Variants in MIA3 observed in about 807,000 individuals in gnomAD.
MIA3 encodes transport and Golgi organization protein 1 homolog.
A neutral mutation model predicts 192.4 loss-of-function variants in MIA3; 90 were observed. The ratio of observed to expected loss-of-function variants is 0.47; its 90% confidence interval spans 0.39 to 0.56. MIA3 has a LOEUF of 0.56. Among genes scored for constraint, MIA3 ranks in the 20% least tolerant of loss-of-function variants. The probability of loss-of-function intolerance (pLI) is 0.00; values close to 1 mark genes in which losing one functional copy is unlikely to be tolerated. For synonymous variants in MIA3, 740 were observed against 792.8 expected, an observed-to-expected ratio of 0.93 and a Z score of 1.12; for missense variants, 2,123 against 2,269.4, an observed-to-expected ratio of 0.94 and a Z score of 1.31.
chr1:222,650,486 T>C, intron 9 of MIA3, 106 bp downstream of exon 9: 1 of 813,588 alleles, frequency 1.2e-6, no homozygotes, highest in South Asian at 1.7e-5. Flanking sequence ...GTATTTATTA[T>C]TACATTAATT....
At chr1:222,645,446 T>C (rs1663094422) in intron 6 of MIA3, 108 bp from the exon 7 acceptor site, 1 of 925,364 alleles carries the variant, frequency 1.1e-6, no homozygotes. Flanking sequence ...AGGGGATAGG[T>C]ATCTGATAGA....
Position 222,633,250 on chromosome 1 carries a change from G to C in MIA3, c.3477+1G>C. The C allele has an allele frequency of 6.3e-7, 1 of 1,597,612 alleles. No homozygotes were observed. The highest frequency in any genetic ancestry group is 8.5e-7 in the Non-Finnish European group (1 of 1,172,804). On this transcript the variant is annotated splice_donor_variant, in intron 6 of 27. Coordinates refer to ENST00000344922, the MANE Select transcript of MIA3 (RefSeq NM_198551.4). LOFTEE classifies it high-confidence loss of function. ...ATTCATGTTTTATTTAACTAAGTCG[G>C]TAAGTTTAACATAGTTTTTTTTTAA...
chr1:222,623,368 TC>T, intron 2 of MIA3, among the ~76,000 whole-genome samples: 1 of 152,258 alleles, frequency 6.6e-6, no homozygotes, highest in East Asian at 1.9e-4. Flanking sequence ...GTATTGTATT[TC>T]CCTTTCCCTA....
At chr1:222,648,629 A>T (rs2124897862) in intron 7 of MIA3, among the ~76,000 whole-genome samples, 200 bp from the exon 8 acceptor site, 1 of 152,354 alleles carries the variant, frequency 6.6e-6, no homozygotes, top group African/African-American at 2.4e-5. Flanking sequence ...TTTATCTGTC[A>T]GACCACAACA....
At position 222,627,778 on chromosome 1, in the gene MIA3, A is replaced by G. The variant is rs746312861; in HGVS notation, c.558A>G (p.Ser186=). ...EPEPEPVEAN[S]EESDSVFSEN... is the part of the protein sequence containing the mutation. ...AACCTGAACCAGTAGAAGCCAACTC[A>G]GAGGAAAGTGATAGTGTATTCTCAG... is the stretch of plus-strand genomic sequence containing the variant. Residue 186 remains serine, a synonymous_variant, in exon 4 of 28, where the codon TCA becomes TCG. Transcript: ENST00000344922. 1.9e-6 allele frequency: 3 copies of G among 1,613,490 alleles called. No homozygotes were observed. Among genetic ancestry groups the G allele is most frequent in the Non-Finnish European group, 2.5e-6 (3 of 1,179,844 alleles).
In MIA3 at chr1:222,654,378, G is replaced by C; in HGVS notation, c.4378-11G>C. The C allele has an allele frequency of 6.2e-7, 1 of 1,613,274 alleles. No individual in the cohort carries two copies. Among genetic ancestry groups the C allele is most frequent in the Non-Finnish European group, 8.5e-7 (1 of 1,179,408 alleles). ...ACTTTTATGAATACTTGTCTCTTCT[G>C]CAATTTTTAGACACAGACTGCAATA... is the stretch of plus-strand genomic sequence containing the variant. On this transcript the variant is annotated splice_polypyrimidine_tract_variant and intron_variant, in intron 16 of 27. Transcript: ENST00000344922.
At chr1:222,618,359 C>A in intron 1 of MIA3, 116 bp downstream of exon 1, 1 of 1,077,544 alleles carries the variant, frequency 9.3e-7, no homozygotes, top group Non-Finnish European at 1.2e-6. Flanking sequence ...AGTTCCGCAG[C>A]CCCTGGCCGG....
At chr1:222,653,440 G>A in intron 15 of MIA3, 101 bp downstream of exon 15, 1 of 720,422 alleles carries the variant, frequency 1.4e-6, no homozygotes, top group South Asian at 1.8e-5. Flanking sequence ...AAGCTTTCGA[G>A]GTGTAAATAC....
At chr1:222,663,913 C>T in intron 26 of MIA3, 85 bp from the exon 27 acceptor site, 1 of 1,283,984 alleles carries the variant, frequency 7.8e-7, no homozygotes, top group Non-Finnish European at 1.1e-6. Context: ...ACATCTGCTT[C>T]ATTGGGTTTT....
At chr1:222,662,408 C>A in intron 26 of MIA3, 76 bp downstream of exon 26, 2 of 1,584,356 alleles carry the variant, frequency 1.3e-6, no homozygotes, top group Non-Finnish European at 1.7e-6. Context: ...TTTGCCTCAT[C>A]TCCTATTTGT....
chr1:222,630,124 C>T lies in MIA3; in HGVS notation c.2904C>T (p.Pro968=), dbSNP rs1662329929. ...AGTCAGCGCAGCAGGAGAGCCTGCCCTATAATATGGAAAAAGTCCTAGATA... is the reference window on the plus strand; with the variant it reads ...AGTCAGCGCAGCAGGAGAGCCTGCCTTATAATATGGAAAAAGTCCTAGATA... ...KLKSAQQESL[P]YNMEKVLDKV... Residue 968 remains proline, a synonymous_variant, in exon 4 of 28, where the codon CCC becomes CCT. Coordinates refer to ENST00000344922, the MANE Select transcript of MIA3 (RefSeq NM_198551.4). The T allele has an allele frequency of 1.3e-5, 21 of 1,614,026 alleles. No homozygotes were observed. Among genetic ancestry groups the T allele is most frequent in the Non-Finnish European group, 1.6e-5 (19 of 1,180,032 alleles).
intron 6 of MIA3, among the ~76,000 whole-genome samples, chr1:222,633,987 A>G (rs1166422833): frequency 6.6e-6 from 1 of 151,790 alleles, no homozygotes; most frequent in Non-Finnish European, 1.5e-5. Context: ...AGTAGCTGGG[A>G]TCACAAGTGT....
At chr1:222,633,596 G>A (rs73124822) in intron 6 of MIA3, among the ~76,000 whole-genome samples, 5,544 of 152,266 alleles carry the variant, frequency 0.036, 139 homozygotes, top group East Asian at 0.11. Flanking sequence ...ACAATCTGTG[G>A]CATAAATTGG....
chr1:222,630,934 G>T (rs187065827), intron 4 of MIA3, among the ~76,000 whole-genome samples: 31 of 152,228 alleles, frequency 2.0e-4, no homozygotes, highest in African/African-American at 6.3e-4. Context: ...GGATGCCTTC[G>T]AATGCAGTGC....
chr1:222,630,185 ATAGCAG>A lies in MIA3; in HGVS notation c.2966_2971del (p.Ile989_Glu991delinsLys), dbSNP rs1558177789. On this transcript the variant is annotated inframe_deletion, in exon 4 of 28. Transcript: ENST00000344922. ...TGCTTCTGAGTCACAAATTCTGAGC[ATAGCAG>A]AAAAAATGCTTGATACTCGTGTGGC... is the stretch of plus-strand genomic sequence containing the variant. 6.2e-7 allele frequency: 1 copy of A among 1,614,244 alleles called. No individual in the cohort carries two copies. The highest frequency in any genetic ancestry group is 8.5e-7 in the Non-Finnish European group (1 of 1,180,046).
rs558697394 is a variant in MIA3, at chr1:222,633,162, G to A, written c.3390G>A (p.Glu1130=). ...MDAIDANKQP[E]TAAEEPASVT... ...CTATTGATGCAAACAAGCAACCAGAGACAGCCGCCGAAGAGCCGGCAAGTG... is the reference window on the plus strand; with the variant it reads ...CTATTGATGCAAACAAGCAACCAGAAACAGCCGCCGAAGAGCCGGCAAGTG... Residue 1130 remains glutamate, a synonymous_variant, in exon 6 of 28, where the codon GAG becomes GAA. Transcript: ENST00000344922. The A allele has an allele frequency of 8.1e-6, 13 of 1,614,096 alleles. No homozygotes were observed. In the East Asian group the frequency reaches 2.7e-4, roughly 33 times the overall value.
chr1:222,654,512 A>G (rs1256843504), intron 17 of MIA3, 33 bp downstream of exon 17: 1 of 1,573,420 alleles, frequency 6.4e-7, no homozygotes, highest in South Asian at 1.1e-5. Flanking sequence ...ATTGCTATAT[A>G]TTGGAAAGAT....
At position 222,645,545 on chromosome 1, in the gene MIA3, A is replaced by T. The variant is rs756886978; in HGVS notation, c.3478-9A>T. 3.8e-6 allele frequency: 6 copies of T among 1,594,606 alleles called. No individual in the cohort carries two copies. The Admixed American group carries it at 1.1e-4, about 28-fold the overall frequency. On this transcript the variant is annotated splice_polypyrimidine_tract_variant and intron_variant, in intron 6 of 27. Transcript: ENST00000344922. ...TCTCATTATTTCTAACATTATTTCT[A>T]ACATTCAGCTAGTTGCTACATTGCC...
chr1:222,632,261 T>C lies in MIA3; in HGVS notation c.3266T>C (p.Val1089Ala), dbSNP rs1662431407. 5 of 1,614,098 alleles carry C rather than the reference T, an allele frequency of 3.1e-6. No homozygotes were observed. Among genetic ancestry groups the C allele is most frequent in the Non-Finnish European group, 4.2e-6 (5 of 1,179,994 alleles). The change falls in exon 5 of 28, where the codon GTG (valine) becomes GCG (alanine). Residue 1089 changes from valine (V) to alanine (A), a missense_variant. This residue lies in a region of MIA3 where 1,357 missense variants were observed against 1,396.1 expected (regional missense o/e 0.97). Transcript: ENST00000344922. ...GAACCCACCCACTTGGACCAACGTG[T>C]GATTGGGGACACTCATGCCTCAGAA... ...PEEPTHLDQR[V>A]IGDTHASEVS...
Sources: gnomAD v4.1 joint callset for allele counts (sites outside exome capture counted in the v4.1 genomes callset) on GRCh38, gnomAD v4.1.1 for gene constraint, gnomAD v4.1.1 regional missense constraint, MANE v1.5 for transcripts, NCBI Gene and HGNC (gene_info 2026-07-23, HGNC 2026-07-21) for gene names.